USP10: variants seen among roughly 807,000 people sequenced by gnomAD.
USP10 encodes the protein ubiquitin specific peptidase 10.
In USP10, 22 loss-of-function variants were observed where a neutral mutation model predicts 84.5. The ratio of observed to expected loss-of-function variants is 0.26; its 90% CI spans 0.19 to 0.37. USP10 has a LOEUF of 0.37. Among genes scored for constraint, USP10 ranks in the 10% least tolerant of loss-of-function variants. The pLI is 1.00. For missense variants in USP10, 1,019 were observed against 998.9 expected (o/e 1.02, Z -0.27); for synonymous variants, 454 against 387.6 (o/e 1.17, Z -2.01).
chr16:84,753,155 AT>A (rs1321294586), intron 4 of USP10, among the ~76,000 whole-genome samples: 1 of 151,404 alleles, frequency 6.6e-6, no homozygotes, highest in African/African-American at 2.4e-5. Flanking sequence ...TTTATTTTTT[AT>A]TTTTCATAGC....
Position 84,744,973 on chromosome 16 carries a change from A to G in USP10, c.492A>G (p.Lys164=), listed in dbSNP as rs745672228. ...KRPPGYYSYL[K]DGGDDSISTE... is the part of the protein sequence containing the mutation. ...CACCTGGATATTACAGCTATTTGAA[A>G]GATGGTGGCGATGATAGTATCTCCA... is the stretch of plus-strand genomic sequence containing the variant. The change falls in exon 4 of 14, where the codon AAA becomes AAG. Residue 164 remains lysine (K), a synonymous_variant. Coordinates refer to ENST00000219473, the MANE Select transcript of USP10 (RefSeq NM_005153.3). 8 of 1,613,852 alleles carry G rather than the reference A, an allele frequency of 5.0e-6. No individual in the cohort carries two copies. The highest frequency in any genetic ancestry group is 6.8e-6 in the Non-Finnish European group (8 of 1,179,732).
intron 1 of USP10, among the ~76,000 whole-genome samples, chr16:84,719,871 AGGTTAAAC>A (rs546104926): frequency 2.2e-3 from 329 of 152,372 alleles, no homozygotes; most frequent in African/African-American, 7.4e-3. Flanking sequence ...CATTAGGTGA[AGGTTAAAC>A]TGAGACAGCA....
chr16:84,763,677 G>A (rs984448043), intron 9 of USP10, among the ~76,000 whole-genome samples: 12 of 152,220 alleles, frequency 7.9e-5, no homozygotes, highest in African/African-American at 2.9e-4. Context: ...TCCAGTGGTG[G>A]TGCACCTGTT....
intron 2 of USP10, among the ~76,000 whole-genome samples, chr16:84,735,236 T>TGTGG (rs1354495965): frequency 8.2e-6 from 1 of 121,584 alleles, no homozygotes; most frequent in Admixed American, 8.6e-5. Flanking sequence ...TGTGTGTGTG[T>TGTGG]GGTGTGTGTG....
intron 10 of USP10, among the ~76,000 whole-genome samples, chr16:84,765,109 G>A (rs1011969522): frequency 6.6e-6 from 1 of 151,110 alleles, no homozygotes; most frequent in African/African-American, 2.4e-5. Flanking sequence ...CATGTGTTTT[G>A]GTAAGAGAAG....
chr16:84,715,163 C>G (rs1011715796), intron 1 of USP10, among the ~76,000 whole-genome samples: 1 of 152,118 alleles, frequency 6.6e-6, no homozygotes, highest in African/African-American at 2.4e-5. Flanking sequence ...CTCCTGACCT[C>G]AAGTGATCTG....
intron 2 of USP10, among the ~76,000 whole-genome samples, chr16:84,735,190 C>A (rs1909741208): frequency 9.2e-6 from 1 of 109,038 alleles, no homozygotes; most frequent in Admixed American, 1.0e-4. Context: ...GCTGCCAGGC[C>A]CGGGTGGTGT....
At chr16:84,777,116 G>T (rs965712426) in intron 13 of USP10, among the ~76,000 whole-genome samples, 1 of 152,240 alleles carries the variant, frequency 6.6e-6, no homozygotes, top group African/African-American at 2.4e-5. Flanking sequence ...AAGAACTGCT[G>T]TGATTGTGGG....
chr16:84,760,064 C>G (rs555186483), intron 7 of USP10, 108 bp from the exon 8 acceptor site: 3 of 1,516,856 alleles, frequency 2.0e-6, no homozygotes, highest in South Asian at 2.3e-5. Flanking sequence ...CTATGCCATT[C>G]TCAACATTCA....
At position 84,744,757 on chromosome 16, in the gene USP10, C is replaced by T. The variant is rs748339532; in HGVS notation, c.276C>T (p.Leu92=). 28 of 1,613,568 alleles carry T rather than the reference C, an allele frequency of 1.7e-5. No individual in the cohort carries two copies. Among genetic ancestry groups the T allele is most frequent in the Non-Finnish European group, 1.9e-5 (23 of 1,179,708 alleles). ...TLNPQAPEFI[L]GCTASKITPD... Reference sequence around the variant, plus strand: ...ACCCTCAGGCCCCTGAATTTATTCTCGGTTGTACAGCTTCCAAAATAACCC... The same window carrying T: ...ACCCTCAGGCCCCTGAATTTATTCTTGGTTGTACAGCTTCCAAAATAACCC... The change falls in exon 4 of 14, where the codon CTC becomes CTT. Residue 92 remains leucine (L), a synonymous_variant. Transcript: ENST00000219473.
At chr16:84,703,481 C>G (rs147667172) in intron 1 of USP10, among the ~76,000 whole-genome samples, 1 of 152,330 alleles carries the variant, frequency 6.6e-6, no homozygotes, top group East Asian at 1.9e-4. Context: ...GATTCCCCCT[C>G]TAGCATATGG....
chr16:84,775,392 C>G (rs1427096225), intron 13 of USP10, among the ~76,000 whole-genome samples, 167 bp downstream of exon 13: 1 of 152,152 alleles, frequency 6.6e-6, no homozygotes, highest in Non-Finnish European at 1.5e-5. Context: ...TGAAACTCTG[C>G]GTAGATGACG....
At chr16:84,746,582 A>G (rs1911251910) in intron 4 of USP10, among the ~76,000 whole-genome samples, 1 of 152,222 alleles carries the variant, frequency 6.6e-6, no homozygotes, top group South Asian at 2.1e-4. Context: ...CAGATATGGT[A>G]TAAAGGATGA....
At chr16:84,747,127 G>A (rs547885757) in intron 4 of USP10, among the ~76,000 whole-genome samples, 1 of 152,290 alleles carries the variant, frequency 6.6e-6, no homozygotes, top group East Asian at 1.9e-4. Context: ...CGCCGCGCGT[G>A]ACTGTACGTA....
chr16:84,759,328 C>T lies in USP10; in HGVS notation c.1285-35C>T, dbSNP rs766313772. 1.9e-6 allele frequency: 3 copies of T among 1,588,866 alleles called. No individual in the cohort carries two copies. In the South Asian group the frequency reaches 3.3e-5, roughly 18 times the overall value. On this transcript the variant is annotated intron_variant, in intron 5 of 13. Transcript: ENST00000219473. ...CTTCAGGAAATGTGGTGTGTCTGTT[C>T]ATTTCCTTTACGCTTCCTTACTGCC...
intron 9 of USP10, among the ~76,000 whole-genome samples, chr16:84,763,776 C>G (rs1243428339): frequency 2.0e-5 from 3 of 151,678 alleles, no homozygotes; most frequent in Non-Finnish European, 4.4e-5. Context: ...TGCCGTGGAT[C>G]CAGTGACGTT....
rs763230809 is a variant in USP10, at chr16:84,745,653, C to A, written c.1172C>A (p.Pro391His). Reference sequence around the variant, plus strand: ...GGGCTTGTTCCGGTTTCAGAGGATCCTGTAGCCATAAAGATTGCAGGTATA... The same window carrying A: ...GGGCTTGTTCCGGTTTCAGAGGATCATGTAGCCATAAAGATTGCAGGTATA... The part of the protein sequence containing the change: ...KEGLVPVSED[P>H]VAIKIAELLE... The change falls in exon 4 of 14, where the codon CCT becomes CAT. Residue 391 changes from proline to histidine, a missense_variant. Transcript: ENST00000219473. 6.2e-7 allele frequency: 1 copy of A among 1,610,620 alleles called. No individual in the cohort carries two copies. Among genetic ancestry groups the A allele is most frequent in the Non-Finnish European group, 8.5e-7 (1 of 1,178,632 alleles).
intron 2 of USP10, among the ~76,000 whole-genome samples, chr16:84,735,167 A>T (rs1197938739): frequency 1.3e-5 from 2 of 149,048 alleles, no homozygotes; most frequent in Admixed American, 6.7e-5. Context: ...AATAGCTGGG[A>T]TTACAGGTGT....
At chr16:84,777,904 C>T (rs569740120) in intron 13 of USP10, among the ~76,000 whole-genome samples, 3 of 152,314 alleles carry the variant, frequency 2.0e-5, no homozygotes, top group South Asian at 2.1e-4. Context: ...GGAATGCTGC[C>T]GGACAGCCGC....
Sources: allele counts gnomAD v4.1 joint callset (sites outside exome capture counted in the v4.1 genomes callset), GRCh38; gene constraint gnomAD v4.1.1; transcripts MANE v1.5; gene names NCBI Gene and HGNC (gene_info 2026-07-23, HGNC 2026-07-21).